The following COL22A1 variants were observed in gnomAD, a reference collection of about 807,000 sequenced individuals.
COL22A1 encodes the protein collagen alpha-1(XXII) chain.
Under a neutral mutation model 248.9 loss-of-function variants are expected in COL22A1, and 221 were observed. That is an observed-to-expected ratio of 0.89 (90% CI 0.80 to 0.99). The LOEUF is 0.99. Ranked by LOEUF, COL22A1 falls within the 50% of genes least tolerant of loss-of-function variation. The pLI is 0.00. For synonymous variants in COL22A1, 891 were observed against 793.4 expected (o/e 1.12, Z -2.07); for missense variants, 2,240 against 2,179.0 (o/e 1.03, Z -0.56).
intron 16 of COL22A1, among the ~76,000 whole-genome samples, chr8:138,765,357 AGCCCTAGGGT>A (rs1183487401): frequency 6.6e-6 from 1 of 151,992 alleles, no homozygotes; most frequent in African/African-American, 2.4e-5. Context: ...GGAAACTGGG[AGCCCTAGGGT>A]GCACCTTGTC....
rs768498746 is a variant in COL22A1, at chr8:138,649,626, T to C, written c.3447+39A>G. 3.8e-6 allele frequency: 6 copies of C among 1,587,846 alleles called. No homozygotes were observed. The South Asian group carries it at 4.6e-5, about 12-fold the overall frequency. On this transcript the variant is annotated intron_variant, in intron 46 of 64. Transcript: ENST00000303045. The stretch of plus-strand genomic sequence containing the variant: ...TGAGATCTCCAGAATGATATTTTCA[T>C]TGTAATGATAAAAATCGAGTTTCCC...
intron 2 of COL22A1, among the ~76,000 whole-genome samples, chr8:138,882,185 G>A (rs1824261197): frequency 6.6e-6 from 1 of 151,956 alleles, no homozygotes; most frequent in African/African-American, 2.4e-5. Context: ...CACAACCCAG[G>A]ATGTGACTGA....
intron 51 of COL22A1, among the ~76,000 whole-genome samples, chr8:138,624,173 A>T (rs911512514): frequency 6.6e-6 from 1 of 152,164 alleles, no homozygotes; most frequent in Non-Finnish European, 1.5e-5. Context: ...GTGGATGCTG[A>T]CGATGATAAT....
intron 21 of COL22A1, among the ~76,000 whole-genome samples, chr8:138,751,766 G>A (rs1266333697): frequency 6.6e-6 from 1 of 152,214 alleles, no homozygotes; most frequent in Non-Finnish European, 1.5e-5. Flanking sequence ...AGTACTGTAA[G>A]CATCCAACAG....
intron 21 of COL22A1, among the ~76,000 whole-genome samples, chr8:138,753,703 A>G (rs963941870): frequency 6.6e-6 from 1 of 152,182 alleles, no homozygotes; most frequent in African/African-American, 2.4e-5. Flanking sequence ...CTTCAGCCTT[A>G]GTATTTTGCT....
At chr8:138,839,503 G>A (rs7001894) in intron 4 of COL22A1, among the ~76,000 whole-genome samples, 83,678 of 152,000 alleles carry the variant, frequency 0.55, 23,155 homozygotes, top group Middle Eastern at 0.68. Flanking sequence ...GACCAGCCAG[G>A]AGTAGGTAAA....
chr8:138,715,568 T>TAAAAA (rs1563657030), intron 30 of COL22A1, 114 bp downstream of exon 30: 7 of 432,662 alleles, frequency 1.6e-5, no homozygotes, highest in South Asian at 6.2e-5. Flanking sequence ...GACTCTCATT[T>TAAAAA]TAAAAAAAAA....
intron 16 of COL22A1, among the ~76,000 whole-genome samples, chr8:138,773,831 G>C (rs1369703401): frequency 6.6e-6 from 1 of 152,214 alleles, no homozygotes; most frequent in African/African-American, 2.4e-5. Context: ...TGGGCCTTCT[G>C]TCTGAATCAC....
intron 55 of COL22A1, among the ~76,000 whole-genome samples, chr8:138,615,706 A>G (rs1374408075): frequency 6.6e-6 from 1 of 151,970 alleles, no homozygotes. Flanking sequence ...ATCTGCGAGA[A>G]ACTCTGAAAT....
At chr8:138,829,957 T>G (rs1234773595) in intron 5 of COL22A1, among the ~76,000 whole-genome samples, 1 of 152,196 alleles carries the variant, frequency 6.6e-6, no homozygotes, top group South Asian at 2.1e-4. Flanking sequence ...TATATATATA[T>G]GTATATACCT....
At chr8:138,723,191 G>GT (rs971973493) in intron 25 of COL22A1, among the ~76,000 whole-genome samples, 1 of 152,128 alleles carries the variant, frequency 6.6e-6, no homozygotes, top group Non-Finnish European at 1.5e-5. Flanking sequence ...AAAAGTGAAC[G>GT]TTTTTTATAA....
chr8:138,659,804 G>A (rs1823622507), intron 44 of COL22A1, among the ~76,000 whole-genome samples: 1 of 152,162 alleles, frequency 6.6e-6, no homozygotes, highest in East Asian at 1.9e-4. Context: ...CCAACACTCA[G>A]GGCTGTCCCC....
At chr8:138,654,551 G>T (rs1312908025) in intron 45 of COL22A1, among the ~76,000 whole-genome samples, 1 of 152,142 alleles carries the variant, frequency 6.6e-6, no homozygotes, top group East Asian at 1.9e-4. Context: ...AAGAGGGAAG[G>T]AAGGGACCAG....
chr8:138,619,336 G>A, intron 53 of COL22A1, 119 bp downstream of exon 53: 1 of 789,484 alleles, frequency 1.3e-6, no homozygotes, highest in Non-Finnish European at 2.1e-6. Flanking sequence ...GCCGTCTGGA[G>A]GAGAAGGACT....
chr8:138,833,509 C>G (rs1402610651), intron 4 of COL22A1, among the ~76,000 whole-genome samples: 1 of 152,212 alleles, frequency 6.6e-6, no homozygotes, highest in Non-Finnish European at 1.5e-5. Context: ...CTCTTGCAGG[C>G]TGGCTCTGCA....
chr8:138,742,974 T>A (rs111162978), intron 22 of COL22A1, among the ~76,000 whole-genome samples: 31,761 of 149,180 alleles, frequency 0.21, 4,087 homozygotes, highest in African/African-American at 0.35. Context: ...ATGATGGTAG[T>A]AGTGATTATG....
Position 138,826,797 on chromosome 8 carries a change from G to A in COL22A1, c.846-16C>T. Reference sequence around the variant, plus strand: ...GAACACATCCCTGGAGAAAAATGGAGACAAAGACACCAGGCTTGGCGATGA... The same window carrying A: ...GAACACATCCCTGGAGAAAAATGGAAACAAAGACACCAGGCTTGGCGATGA... On this transcript the variant is annotated splice_polypyrimidine_tract_variant and intron_variant, in intron 5 of 64. Coordinates refer to ENST00000303045, the MANE Select transcript of COL22A1 (RefSeq NM_152888.3). 1 of 1,613,658 alleles carries A rather than the reference G, an allele frequency of 6.2e-7. No homozygotes were observed. Among genetic ancestry groups the A allele is most frequent in the Non-Finnish European group, 8.5e-7 (1 of 1,179,802 alleles).
rs551548894 is a variant in COL22A1, at chr8:138,762,443, G to A, written c.1827C>T (p.Phe609=). The change falls in exon 17 of 65, where the codon TTC becomes TTT. Residue 609 remains phenylalanine (F), a synonymous_variant. Transcript: ENST00000303045. ...GTCCTGTGTCCCCAGGCTTCCCAGG[G>A]AATCCATCCAGGCCTCGCTCTCCCT... ...GEKGERGLDG[F]PGKPGDTGQQ... 6.2e-6 allele frequency: 10 copies of A among 1,614,164 alleles called. No individual in the cohort carries two copies. In the Admixed American group the frequency reaches 1.3e-4, roughly 22 times the overall value.
intron 3 of COL22A1, among the ~76,000 whole-genome samples, chr8:138,845,144 G>A (rs1179035777): frequency 2.0e-5 from 3 of 151,984 alleles, no homozygotes; most frequent in African/African-American, 4.8e-5. Context: ...AAAAGCAATT[G>A]AGTAAGTCAT....
Sources: gnomAD v4.1 joint callset for allele counts (sites outside exome capture counted in the v4.1 genomes callset) on GRCh38, gnomAD v4.1.1 for gene constraint, MANE v1.5 for transcripts, NCBI Gene and HGNC (gene_info 2026-07-23, HGNC 2026-07-21) for gene names.